C1orf87: variants seen among roughly 807,000 people sequenced by gnomAD.
C1orf87 encodes chromosome 1 open reading frame 87, also known as uncharacterized protein C1orf87.
Under a neutral mutation model 60.5 loss-of-function variants are expected in C1orf87, and 58 were observed. The ratio of observed to expected loss-of-function variants is 0.96; its 90% CI spans 0.78 to 1.19. C1orf87 has a LOEUF of 1.19. C1orf87 is among the 50% of genes most tolerant of loss of function. The pLI, the probability that C1orf87 is intolerant of heterozygous loss-of-function variation, is 0.00. For synonymous variants in C1orf87, 236 were observed against 227.4 expected, an observed-to-expected ratio of 1.04 and a Z score of -0.34; for missense variants, 673 against 638.6, an observed-to-expected ratio of 1.05 and a Z score of -0.58.
At chr1:60,005,284 G>A (rs1216096603) in intron 9 of C1orf87, among the ~76,000 whole-genome samples, 1 of 152,032 alleles carries the variant, frequency 6.6e-6, no homozygotes, top group African/African-American at 2.4e-5. Flanking sequence ...TTACGTCTGT[G>A]GCTTGAACTA....
intron 2 of C1orf87, among the ~76,000 whole-genome samples, chr1:60,065,013 T>TATTTATATATATTATTTATTATATA (rs71046363): frequency 1.6e-5 from 1 of 63,938 alleles, no homozygotes; most frequent in Non-Finnish European, 3.3e-5. Flanking sequence ...TAAATATATA[T>TATTTATATATATTATTTATTATATA]TAAATATATA....
chr1:60,008,691 C>T (rs943541321), intron 9 of C1orf87: 2 of 456,344 alleles, frequency 4.4e-6, no homozygotes, highest in Non-Finnish European at 8.8e-6. Context: ...TCAGCATTCT[C>T]AGCCCTAGCC....
intron 7 of C1orf87, among the ~76,000 whole-genome samples, chr1:60,028,346 G>A (rs1354956649): frequency 6.6e-5 from 10 of 152,176 alleles, no homozygotes; most frequent in Non-Finnish European, 1.2e-4. Flanking sequence ...GTTCCTAGAA[G>A]CAGACTGATG....
rs749708387 is a variant in C1orf87 at position 59,997,682 on chromosome 1, C to T, written c.1407G>A (p.Glu469=). 1.2e-6 allele frequency: 2 copies of T among 1,613,966 alleles called. No individual in the cohort carries two copies. The highest frequency in any genetic ancestry group is 1.7e-6 in the Non-Finnish European group (2 of 1,179,914). The change falls in exon 11 of 12, where the codon GAG becomes GAA. Residue 469 remains glutamate, a synonymous_variant. Coordinates refer to ENST00000371201, the MANE Select transcript of C1orf87 (RefSeq NM_152377.3). ...ACCTGTCTATCCACGTCTCACATTC[C>T]TCAGCCTTGTTCTTCACAGCTGGAT... The part of the protein sequence containing the change: ...FVNPAVKNKA[E]ECETWIDRFR...
intron 9 of C1orf87, among the ~76,000 whole-genome samples, chr1:60,002,693 A>G (rs1645014388): frequency 6.6e-6 from 1 of 152,124 alleles, no homozygotes; most frequent in South Asian, 2.1e-4. Context: ...TGTTTTAGAC[A>G]TGAAGTCCTT....
chr1:60,061,253 C>CG (rs1315837971), intron 2 of C1orf87, among the ~76,000 whole-genome samples: 4 of 152,034 alleles, frequency 2.6e-5, no homozygotes, highest in Non-Finnish European at 5.9e-5. Context: ...TCTTAGCTGG[C>CG]GAAACTAAAG....
intron 9 of C1orf87, among the ~76,000 whole-genome samples, chr1:60,001,509 G>A (rs747368987): frequency 3.3e-5 from 5 of 152,058 alleles, no homozygotes; most frequent in African/African-American, 4.8e-5. Context: ...ACACAAATTC[G>A]CAACCTGAAG....
intron 7 of C1orf87, among the ~76,000 whole-genome samples, chr1:60,028,490 C>G (rs990477981): frequency 6.6e-6 from 1 of 152,010 alleles, no homozygotes. Flanking sequence ...TAATGATGAC[C>G]CTTGGTAAGA....
intron 9 of C1orf87, among the ~76,000 whole-genome samples, chr1:60,003,955 T>A (rs1039005616): frequency 6.6e-6 from 1 of 152,052 alleles, no homozygotes; most frequent in Non-Finnish European, 1.5e-5. Flanking sequence ...GGCATCCAGT[T>A]AGGGCGGCCT....
chr1:60,056,104 C>T (rs771651146), intron 2 of C1orf87, among the ~76,000 whole-genome samples: 2 of 151,880 alleles, frequency 1.3e-5, no homozygotes, highest in African/African-American at 2.4e-5. Context: ...ATCAGCCGGG[C>T]GTGGTGGCAC....
At chr1:59,995,073 AT>A (rs1239318058) in intron 11 of C1orf87, among the ~76,000 whole-genome samples, 5 of 152,192 alleles carry the variant, frequency 3.3e-5, no homozygotes, top group African/African-American at 1.2e-4. Context: ...TGAGAAAGGC[AT>A]TTCAAATCTG....
intron 8 of C1orf87, among the ~76,000 whole-genome samples, chr1:60,024,656 G>A (rs1050476608): frequency 3.0e-4 from 46 of 152,096 alleles, no homozygotes; most frequent in African/African-American, 1.1e-3. Flanking sequence ...TCTTGAACTC[G>A]AAACTCTGTC....
intron 7 of C1orf87, among the ~76,000 whole-genome samples, chr1:60,029,327 A>C (rs1645220589): frequency 6.6e-6 from 1 of 152,160 alleles, no homozygotes; most frequent in African/African-American, 2.4e-5. Flanking sequence ...GCCTTCTAAA[A>C]GGTCTCTCTG....
Position 60,072,663 on chromosome 1 carries a change from T to G in C1orf87, c.-20A>C, listed in dbSNP as rs183421785. 2.0e-5 allele frequency: 31 copies of G among 1,553,698 alleles called. No homozygotes were observed. The African/African-American group carries it at 3.1e-4, about 16-fold the overall frequency. The stretch of plus-strand genomic sequence containing the variant: ...AGACATGATTCCTTTCAAAATCCCT[T>G]CAGATCCCTAGGGGTGAAAATAAGT... On this transcript the variant is annotated 5_prime_UTR_variant, in exon 2 of 12. Transcript: ENST00000371201.
At chr1:59,999,674 A>C (rs1644987792) in intron 10 of C1orf87, among the ~76,000 whole-genome samples, 1 of 152,120 alleles carries the variant, frequency 6.6e-6, no homozygotes, top group African/African-American at 2.4e-5. Flanking sequence ...ATCTGGATGA[A>C]GTTCACATTC....
chr1:59,998,376 A>G (rs1219835582), intron 10 of C1orf87, among the ~76,000 whole-genome samples: 1 of 152,228 alleles, frequency 6.6e-6, no homozygotes, highest in African/African-American at 2.4e-5. Context: ...CACATCTTAG[A>G]GTAGACCTAA....
At chr1:60,036,154 C>T (rs2100290633) in intron 6 of C1orf87, among the ~76,000 whole-genome samples, 1 of 152,228 alleles carries the variant, frequency 6.6e-6, no homozygotes, top group South Asian at 2.1e-4. Context: ...GCCTAGATGG[C>T]AGTATTGTTT....
chr1:60,029,232 C>A (rs4915626), intron 7 of C1orf87, among the ~76,000 whole-genome samples: 23,317 of 152,112 alleles, frequency 0.15, 1,878 homozygotes, highest in Non-Finnish European at 0.17. Context: ...TCAAGACTTG[C>A]TTTTCTACCT....
At chr1:60,035,198 C>T (rs1266096944) in intron 6 of C1orf87, among the ~76,000 whole-genome samples, 5 of 152,188 alleles carry the variant, frequency 3.3e-5, no homozygotes, top group African/African-American at 1.2e-4. Context: ...GCACATGACC[C>T]AAACACTGTC....
Sources: allele counts gnomAD v4.1 joint callset (sites outside exome capture counted in the v4.1 genomes callset), GRCh38; gene constraint gnomAD v4.1.1; transcripts MANE v1.5; gene names NCBI Gene and HGNC (gene_info 2026-07-23, HGNC 2026-07-21).